TRIM49C: variants seen among roughly 807,000 people sequenced by gnomAD.
TRIM49C encodes the protein tripartite motif containing 49C.
In TRIM49C, 6 loss-of-function variants were observed where a neutral mutation model predicts 21.4. That is an observed-to-expected ratio of 0.28 (90% CI 0.15 to 0.55). TRIM49C has a LOEUF of 0.55. TRIM49C is among the 20% of genes least tolerant of loss of function. TRIM49C has a pLI of 0.94. For synonymous variants in TRIM49C, 57 were observed against 148.1 expected (o/e 0.38, Z 4.47); for missense variants, 161 against 442.4 (o/e 0.36, Z 5.71).
At chr11:90,063,074 G>T in the TRIM49C span, 2 of 1,326,408 alleles carry the variant, frequency 1.5e-6, no homozygotes, top group South Asian at 1.7e-5. Flanking sequence ...AGGAAAAAAA[G>T]GCCGGTGGAC....
rs1429406061 is a variant in TRIM49C, at chr11:90,039,471, G to A, written c.762-394G>A. Reference sequence around the variant, plus strand: ...GGAAGTTCTTTGCTAAAAGGGGAGAGAACAAGTTTCCATTCTTTATCTTGA... The same window carrying A: ...GGAAGTTCTTTGCTAAAAGGGGAGAAAACAAGTTTCCATTCTTTATCTTGA... On this transcript the variant is annotated intron_variant, in intron 6 of 7. Transcript: ENST00000448984. 1.5e-5 allele frequency among the ~76,000 whole-genome samples: 2 copies of A among 130,486 alleles called. 1 individual carries two copies. Among genetic ancestry groups the A allele is most frequent in the Admixed American group, 1.8e-4 (2 of 11,274 alleles). The allele number at this position is 130,486 out of a possible 152,430, so 85.6% of individuals were successfully genotyped here. A position where few individuals can be genotyped will look rare whatever the true frequency, so the allele number is the denominator to read the frequency against.
chr11:90,046,500 A>G (rs1950802452), downstream of TRIM49C, among the ~76,000 whole-genome samples: 1 of 123,742 alleles, frequency 8.1e-6, no homozygotes, highest in Non-Finnish European at 1.7e-5. Context: ...TTCCTGGTTT[A>G]GTCTTGGGAG....
At chr11:90,069,262 G>A in the TRIM49C span, among the ~76,000 whole-genome samples, 8 of 119,970 alleles carry the variant, frequency 6.7e-5, no homozygotes, top group East Asian at 2.4e-4. Context: ...TCGCCACCAC[G>A]CCCAGCTAAT....
chr11:90,041,240 C>T lies in TRIM49C; in HGVS notation c.1049C>T (p.Ser350Phe), dbSNP rs765790321. 6.3e-7 allele frequency: 1 copy of T among 1,583,666 alleles called. No individual in the cohort carries two copies. The highest frequency in any genetic ancestry group is 8.6e-7 in the Non-Finnish European group (1 of 1,162,002). The change falls in exon 8 of 8, where the codon TCC becomes TTC. Residue 350 changes from serine to phenylalanine, a missense_variant. Coordinates refer to ENST00000448984, the MANE Select transcript of TRIM49C (RefSeq NM_001195234.1). Reference sequence around the variant, plus strand: ...TACTGGGAGGTCCATGTAGGGGACTCCTGGAATTGGGCTTTTGGTGTCTGT... The same window carrying T: ...TACTGGGAGGTCCATGTAGGGGACTTCTGGAATTGGGCTTTTGGTGTCTGT... ...KYYWEVHVGDSWNWAFGVCNM... is the reference protein window; with the variant it reads ...KYYWEVHVGDFWNWAFGVCNM...
the TRIM49C span, among the ~76,000 whole-genome samples, chr11:90,069,090 T>C: frequency 1.6e-5 from 2 of 128,808 alleles, no homozygotes; most frequent in Admixed American, 8.6e-5. Context: ...TTGATTTTTG[T>C]TTTGTTTTGT....
chr11:90,062,318 G>T, the TRIM49C span, among the ~76,000 whole-genome samples: 15 of 125,926 alleles, frequency 1.2e-4, no homozygotes, highest in Admixed American at 5.7e-4. Flanking sequence ...ACTTTGAAAA[G>T]TGTTCTTGGT....
chr11:90,062,169 C>T, the TRIM49C span: 64 of 390,506 alleles, frequency 1.6e-4, 2 homozygotes, highest in Non-Finnish European at 2.3e-4. Context: ...TAGAGTGAAG[C>T]GGTCAGATTT....
chr11:90,055,207 A>G, the TRIM49C span, among the ~76,000 whole-genome samples: 1 of 139,904 alleles, frequency 7.1e-6, no homozygotes, highest in African/African-American at 2.6e-5. Flanking sequence ...TATAGTCTAC[A>G]TGGTATAGAG....
chr11:90,036,602 C>G (rs1950729164), intron 4 of TRIM49C, among the ~76,000 whole-genome samples: 1 of 135,510 alleles, frequency 7.4e-6, no homozygotes, highest in Admixed American at 8.8e-5. Context: ...ACTCTGAGGA[C>G]TTCAGAAAAA....
At chr11:90,042,156 T>A (rs1165226261), downstream of TRIM49C, 2 of 144,302 alleles carry the variant, frequency 1.4e-5, no homozygotes, top group African/African-American at 2.6e-5. Flanking sequence ...TAATTGAAAT[T>A]TTTTTTAAAA....
downstream of TRIM49C, among the ~76,000 whole-genome samples, chr11:90,043,458 AC>A (rs1950782835): frequency 8.1e-6 from 1 of 123,190 alleles, no homozygotes; most frequent in Non-Finnish European, 1.7e-5. Flanking sequence ...TTGATATAAC[AC>A]AAACCAATAT....
chr11:90,048,060 T>G, the TRIM49C span, among the ~76,000 whole-genome samples: 1 of 104,484 alleles, frequency 9.6e-6, no homozygotes, highest in African/African-American at 4.1e-5. Context: ...TATTCTGGGT[T>G]GAAAATTCTT....
At chr11:90,036,751 G>A (rs1831835771) in intron 4 of TRIM49C, among the ~76,000 whole-genome samples, 1 of 138,398 alleles carries the variant, frequency 7.2e-6, no homozygotes. Context: ...AAGAAAGGAA[G>A]CACCTTTGTC....
intron 2 of TRIM49C, among the ~76,000 whole-genome samples, chr11:90,034,663 A>G (rs1950712312): frequency 7.7e-6 from 1 of 129,158 alleles, no homozygotes; most frequent in Non-Finnish European, 1.6e-5. Flanking sequence ...TTTAATTTTA[A>G]GTCCTGGGAT....
At position 90,033,153 on chromosome 11, in the gene TRIM49C, A is replaced by G. The variant is rs955467567; in HGVS notation, c.-5+571A>G. Among the ~76,000 whole-genome samples, 4 of 135,202 alleles carry G rather than the reference A, an allele frequency of 3.0e-5. 1 individual carries two copies. The highest frequency in any genetic ancestry group is 2.5e-4 in the South Asian group (1 of 3,960). 88.7% of individuals were successfully genotyped at this position (135,202 alleles called of 152,430 possible). A position where few individuals can be genotyped will look rare whatever the true frequency, so the allele number is the denominator to read the frequency against. On this transcript the variant is annotated intron_variant, in intron 2 of 7. Coordinates refer to ENST00000448984, the MANE Select transcript of TRIM49C (RefSeq NM_001195234.1). Reference sequence around the variant, plus strand: ...ATCTCACTTGAGTCTCAATCTTATTAAACTGTGAAAAATTTCTTAAAATGT... The same window carrying G: ...ATCTCACTTGAGTCTCAATCTTATTGAACTGTGAAAAATTTCTTAAAATGT...
At chr11:90,059,935 C>G in the TRIM49C span, among the ~76,000 whole-genome samples, 1 of 141,964 alleles carries the variant, frequency 7.0e-6, no homozygotes, top group South Asian at 2.3e-4. Context: ...TCCCACCCCT[C>G]TAGAGTAGAA....
the TRIM49C span, among the ~76,000 whole-genome samples, chr11:90,065,957 A>G: frequency 7.3e-6 from 1 of 136,364 alleles, no homozygotes; most frequent in Non-Finnish European, 1.6e-5. Context: ...CTCTGTCTCA[A>G]AAGAAAAAAA....
the TRIM49C span, among the ~76,000 whole-genome samples, chr11:90,049,780 G>C: frequency 4.1e-5 from 5 of 123,298 alleles, 2 homozygotes; most frequent in African/African-American, 1.7e-4. Context: ...CCCACTGTCT[G>C]ACAAGCCCCA....
chr11:90,065,721 C>T, the TRIM49C span, among the ~76,000 whole-genome samples: 1 of 140,298 alleles, frequency 7.1e-6, no homozygotes, highest in Non-Finnish European at 1.5e-5. Context: ...CTGTGGGAGG[C>T]CCACGAGGGT....
Sources: allele counts gnomAD v4.1 joint callset (sites outside exome capture counted in the v4.1 genomes callset), GRCh38; gene constraint gnomAD v4.1.1; transcripts MANE v1.5; gene names NCBI Gene and HGNC (gene_info 2026-07-23, HGNC 2026-07-21).